DENND5A: variants seen among roughly 807,000 people sequenced by gnomAD.
The protein encoded by DENND5A is DENN domain containing 5A.
Under a neutral mutation model 140.3 loss-of-function variants are expected in DENND5A, and 64 were observed. That is an observed-to-expected ratio of 0.46 (90% CI 0.37 to 0.56). DENND5A has a LOEUF of 0.56. Among genes scored for constraint, DENND5A ranks in the 20% least tolerant of loss-of-function variants. The pLI, the probability that DENND5A is intolerant of heterozygous loss-of-function variation, is 0.00. For synonymous variants in DENND5A, 605 were observed against 607.7 expected (o/e 1.00, Z 0.07); for missense variants, 1,292 against 1,593.8 (o/e 0.81, Z 3.22).
Position 9,142,050 on chromosome 11 carries a change from G to A in DENND5A, c.3570C>T (p.Asn1190=), listed in dbSNP as rs767756223. 2 of 1,605,768 alleles carry A rather than the reference G, an allele frequency of 1.2e-6. No homozygotes were observed. Among genetic ancestry groups the A allele is most frequent in the East Asian group, 2.2e-5 (1 of 44,518 alleles). The part of the protein sequence containing the change: ...LEKNEVVPEE[N]WHTRARNFCR... ...AGAAGTTCCGGGCTCTTGTATGCCA[G>A]TTTTCCTCAGGGACTACTTCATTCT... The change falls in exon 22 of 23, where the codon AAC becomes AAT. Residue 1190 remains asparagine, a synonymous_variant. Coordinates refer to ENST00000328194, the MANE Select transcript of DENND5A (RefSeq NM_015213.4).
In DENND5A at chr11:9,180,895, G is replaced by A. The variant is rs1389779994; in HGVS notation, c.1327C>T (p.Leu443Phe). 2.5e-6 allele frequency: 4 copies of A among 1,614,090 alleles called. No individual in the cohort carries two copies. Among genetic ancestry groups the A allele is most frequent in the Admixed American group, 1.7e-5 (1 of 60,006 alleles). The change falls in exon 6 of 23, where the codon CTT (leucine) becomes TTT (phenylalanine). Residue 443 changes from leucine to phenylalanine, a missense_variant. Coordinates refer to ENST00000328194, the MANE Select transcript of DENND5A (RefSeq NM_015213.4). The stretch of plus-strand genomic sequence containing the variant: ...TTCCCATTCCTCTTGTCCGAGACAA[G>A]CTCAGAGGCCCGCAGCCTCTTCAGC... ...SKLKRLRASELVSDKRNGNIA... is the reference protein window; with the variant it reads ...SKLKRLRASEFVSDKRNGNIA...
At position 9,161,351 on chromosome 11, in the gene DENND5A, A is replaced by T. The variant is rs1194526220; in HGVS notation, c.2284-486T>A. On this transcript the variant is annotated intron_variant, in intron 11 of 22. Coordinates refer to ENST00000328194, the MANE Select transcript of DENND5A (RefSeq NM_015213.4). ...CAACAGAGCGAGACTCCGTCTCAAAAAAAAAAAAATATGTAGTTAAGGAAA... is the reference window on the plus strand; with the variant it reads ...CAACAGAGCGAGACTCCGTCTCAAATAAAAAAAAATATGTAGTTAAGGAAA... Among the ~76,000 whole-genome samples, 6 of 152,302 alleles carry T rather than the reference A, an allele frequency of 3.9e-5. No individual in the cohort carries two copies. The East Asian group carries it at 1.2e-3, about 29-fold the overall frequency.
intron 1 of DENND5A, among the ~76,000 whole-genome samples, chr11:9,218,637 G>C (rs949024626): frequency 2.0e-5 from 3 of 152,172 alleles, no homozygotes; most frequent in African/African-American, 7.2e-5. Flanking sequence ...TAGAGCCCGG[G>C]AGATGAAGGT....
intron 4 of DENND5A, among the ~76,000 whole-genome samples, chr11:9,196,551 T>C (rs1429683186): frequency 6.6e-6 from 1 of 152,194 alleles, no homozygotes. Context: ...CTTCTAATGC[T>C]GTGAATTTCT....
intron 5 of DENND5A, among the ~76,000 whole-genome samples, chr11:9,186,085 A>G (rs543212312): frequency 1.3e-5 from 2 of 152,248 alleles, no homozygotes; most frequent in Non-Finnish European, 2.9e-5. Flanking sequence ...TGTATCATTC[A>G]ATAAACATTT....
rs1848315322 is a variant in DENND5A, at chr11:9,169,895, C to T, written c.2112G>A (p.Gln704=). ...AQWRRKDRQK[Q]HTEHLRLDND... ...TATCTAAACGCAGGTGTTCTGTGTG[C>T]TGCTTCTGCCGATCTTTCCGCCTCC... The change falls in exon 10 of 23, where the codon CAG becomes CAA. Residue 704 remains glutamine (Q), a synonymous_variant. Transcript: ENST00000328194. The T allele has an allele frequency of 6.2e-7, 1 of 1,613,764 alleles. No individual in the cohort carries two copies. The highest frequency in any genetic ancestry group is 1.3e-5 in the African/African-American group (1 of 75,038).
intron 12 of DENND5A, among the ~76,000 whole-genome samples, chr11:9,156,626 C>CA (rs763078353): frequency 0.038 from 3,422 of 89,674 alleles, 126 homozygotes; most frequent in African/African-American, 0.12. Context: ...GACTCCGTCT[C>CA]AAAAAAAAAA....
At chr11:9,222,368 G>A (rs1019833416) in intron 1 of DENND5A, among the ~76,000 whole-genome samples, 3 of 151,938 alleles carry the variant, frequency 2.0e-5, no homozygotes, top group Admixed American at 6.6e-5. Flanking sequence ...AAATCCTAAT[G>A]CCAAAAATCT....
chr11:9,233,434 C>A (rs1277468346), intron 1 of DENND5A, among the ~76,000 whole-genome samples: 2 of 151,718 alleles, frequency 1.3e-5, no homozygotes, highest in Admixed American at 1.3e-4. Context: ...CAAGACCCAC[C>A]CTTTAGACCC....
At chr11:9,142,185 G>T in intron 21 of DENND5A, 77 bp from the exon 22 acceptor site, 1 of 1,245,296 alleles carries the variant, frequency 8.0e-7, no homozygotes, top group Non-Finnish European at 1.1e-6. Flanking sequence ...CACTTGCCAT[G>T]GGCCTCTCCA....
At chr11:9,145,245 C>G in intron 17 of DENND5A, 132 bp from the exon 18 acceptor site, 4 of 698,146 alleles carry the variant, frequency 5.7e-6, no homozygotes, top group African/African-American at 5.3e-5. Context: ...GGTCATGGCT[C>G]TACATACCGC....
At chr11:9,225,912 C>T (rs1399289897) in intron 1 of DENND5A, among the ~76,000 whole-genome samples, 1 of 152,168 alleles carries the variant, frequency 6.6e-6, no homozygotes, top group Non-Finnish European at 1.5e-5. Context: ...TAGCAAGACC[C>T]TATCTCTACA....
At chr11:9,179,095 T>C (rs771190423) in intron 6 of DENND5A, 22 bp from the exon 7 acceptor site, 2 of 1,604,066 alleles carry the variant, frequency 1.2e-6, no homozygotes, top group South Asian at 1.1e-5. Context: ...GAAAAAGCAG[T>C]TGAGAACACA....
chr11:9,251,292 C>T (rs1851709805), intron 1 of DENND5A, among the ~76,000 whole-genome samples: 1 of 152,104 alleles, frequency 6.6e-6, no homozygotes, highest in African/African-American at 2.4e-5. Context: ...TAGTTCAGTA[C>T]ATAAAGTAGA....
chr11:9,167,526 G>A lies in DENND5A; in HGVS notation c.2152-1559C>T, dbSNP rs1238430375. 3.3e-5 allele frequency among the ~76,000 whole-genome samples: 5 copies of A among 151,456 alleles called. No homozygotes were observed. In the East Asian group the frequency reaches 7.8e-4, roughly 23 times the overall value. On this transcript the variant is annotated intron_variant, in intron 10 of 22. Transcript: ENST00000328194. ...AAAACAGCCAGGAGCAGTGACTCTGGCCTGTAATCCCAGCACTGAGGCGAG... is the reference window on the plus strand; with the variant it reads ...AAAACAGCCAGGAGCAGTGACTCTGACCTGTAATCCCAGCACTGAGGCGAG...
chr11:9,140,330 C>A, intron 22 of DENND5A: 1 of 672,546 alleles, frequency 1.5e-6, no homozygotes. Flanking sequence ...GTAGCTTGTC[C>A]AAGATCACAT....
chr11:9,209,838 G>C (rs960566672), intron 1 of DENND5A, among the ~76,000 whole-genome samples: 1 of 152,262 alleles, frequency 6.6e-6, no homozygotes, highest in Non-Finnish European at 1.5e-5. Context: ...GGGCACGGTG[G>C]CTCATACCTG....
intron 11 of DENND5A, among the ~76,000 whole-genome samples, chr11:9,164,946 G>A (rs910309114): frequency 1.3e-5 from 2 of 152,176 alleles, no homozygotes; most frequent in South Asian, 2.1e-4. Context: ...GCAATATAGT[G>A]AGATCCTGTC....
chr11:9,178,295 A>C lies in DENND5A; in HGVS notation c.1743T>G (p.Phe581Leu). Residue 581 changes from phenylalanine to leucine, a missense_variant, in exon 8 of 23, where the codon TTT becomes TTG. Transcript: ENST00000328194. ...FLSRFLETQM[F>L]ASFIDNKIMC... ...TTATTTTGTTGTCAATGAAAGATGCAAACATCTGGGTCTCCAGGAATCTTG... is the reference window on the plus strand; with the variant it reads ...TTATTTTGTTGTCAATGAAAGATGCCAACATCTGGGTCTCCAGGAATCTTG... 1.9e-6 allele frequency: 3 copies of C among 1,614,044 alleles called. No individual in the cohort carries two copies. Among genetic ancestry groups the C allele is most frequent in the Non-Finnish European group, 2.5e-6 (3 of 1,179,952 alleles).
Sources: allele counts gnomAD v4.1 joint callset (sites outside exome capture counted in the v4.1 genomes callset), GRCh38; gene constraint gnomAD v4.1.1; transcripts MANE v1.5; gene names NCBI Gene and HGNC (gene_info 2026-07-23, HGNC 2026-07-21).